ZCCHC17: variants seen among roughly 807,000 people sequenced by gnomAD.
ZCCHC17 encodes the protein zinc finger CCHC-type containing 17, also known as zinc finger CCHC domain-containing protein 17.
Under a neutral mutation model 30.6 loss-of-function variants are expected in ZCCHC17, and 18 were observed. The ratio of observed to expected loss-of-function variants is 0.59; its 90% CI spans 0.41 to 0.87. ZCCHC17 has a LOEUF of 0.87. ZCCHC17 is among the 40% of genes least tolerant of loss of function. ZCCHC17 has a pLI of 0.00. For synonymous variants in ZCCHC17, 88 were observed against 92.4 expected (o/e 0.95, Z 0.27); for missense variants, 263 against 284.2 (o/e 0.93, Z 0.54).
intron 3 of ZCCHC17, among the ~76,000 whole-genome samples, chr1:31,320,754 G>A (rs1362544653): frequency 1.3e-5 from 2 of 152,040 alleles, no homozygotes; most frequent in Non-Finnish European, 1.5e-5. Context: ...AAATATTTGT[G>A]TACAACTTTT....
intron 3 of ZCCHC17, among the ~76,000 whole-genome samples, chr1:31,330,862 C>T (rs957073564): frequency 6.6e-6 from 1 of 152,204 alleles, no homozygotes. Context: ...ACTGCATACA[C>T]GTCATCTGAC....
At chr1:31,350,744 C>T (rs1047533724) in intron 7 of ZCCHC17, among the ~76,000 whole-genome samples, 20 of 152,110 alleles carry the variant, frequency 1.3e-4, no homozygotes, top group East Asian at 3.9e-4. Context: ...GGACTACAGG[C>T]GCAAGCCACC....
chr1:31,301,663 T>C (rs1646315400), intron 1 of ZCCHC17, among the ~76,000 whole-genome samples: 1 of 152,220 alleles, frequency 6.6e-6, no homozygotes, highest in African/African-American at 2.4e-5. Context: ...CCAATGTTGC[T>C]AACTGTGAGC....
chr1:31,348,739 A>G (rs1639362808), intron 6 of ZCCHC17, 90 bp from the exon 7 acceptor site: 1 of 1,483,378 alleles, frequency 6.7e-7, no homozygotes. Flanking sequence ...TGAGCCAGCT[A>G]GCCCATTTCA....
chr1:31,327,653 G>A (rs1301762615), intron 3 of ZCCHC17, among the ~76,000 whole-genome samples: 3 of 152,146 alleles, frequency 2.0e-5, no homozygotes, highest in African/African-American at 4.8e-5. Flanking sequence ...AGCCTTCTCA[G>A]TGATCAGATC....
At chr1:31,321,144 AG>A in intron 3 of ZCCHC17, among the ~76,000 whole-genome samples, 1 of 152,230 alleles carries the variant, frequency 6.6e-6, no homozygotes, top group East Asian at 1.9e-4. Context: ...CTTGAATTGT[AG>A]TTCTCGTAAT....
Position 31,337,160 on chromosome 1 carries a change from T to A in ZCCHC17, c.125-15T>A. 6.2e-7 allele frequency: 1 copy of A among 1,610,770 alleles called. No homozygotes were observed. Among genetic ancestry groups the A allele is most frequent in the South Asian group, 1.1e-5 (1 of 90,892 alleles). ...ATGCCCTCTGCTTTACGTTATTTCT[T>A]CTTCTTGTGCCCAGGTCTGGTCCAT... is the stretch of plus-strand genomic sequence containing the variant. On this transcript the variant is annotated splice_polypyrimidine_tract_variant and intron_variant, in intron 3 of 7. Transcript: ENST00000344147.
chr1:31,320,978 G>A (rs1476658261), intron 3 of ZCCHC17, among the ~76,000 whole-genome samples: 1 of 152,128 alleles, frequency 6.6e-6, no homozygotes, highest in Admixed American at 6.6e-5. Context: ...CCATCCTAAT[G>A]GATGTGCACG....
At chr1:31,347,454 C>G (rs1639316364) in intron 6 of ZCCHC17, among the ~76,000 whole-genome samples, 1 of 151,946 alleles carries the variant, frequency 6.6e-6, no homozygotes, top group African/African-American at 2.4e-5. Flanking sequence ...GTTTTAAGCC[C>G]CTATTTATCA....
chr1:31,329,736 C>T lies in ZCCHC17; in HGVS notation c.125-7439C>T, dbSNP rs577011581. Among the ~76,000 whole-genome samples, 4 of 152,286 alleles carry T rather than the reference C, an allele frequency of 2.6e-5. No individual in the cohort carries two copies. In the East Asian group the frequency reaches 7.7e-4, roughly 29 times the overall value. ...TAGTGGGTGGGTGTTCAGTAAATCT[C>T]ACTGAATGAATGAATGAATTATAGC... On this transcript the variant is annotated intron_variant, in intron 3 of 7. Coordinates refer to ENST00000344147, the MANE Select transcript of ZCCHC17 (RefSeq NM_016505.4).
At chr1:31,297,432 A>G (rs1646191521) in intron 1 of ZCCHC17, among the ~76,000 whole-genome samples, 1 of 152,170 alleles carries the variant, frequency 6.6e-6, no homozygotes, top group Admixed American at 6.5e-5. Context: ...GCAGTTTTTG[A>G]TCAGGGCCTA....
At chr1:31,331,436 G>C (rs1176985636) in intron 3 of ZCCHC17, among the ~76,000 whole-genome samples, 2 of 151,148 alleles carry the variant, frequency 1.3e-5, no homozygotes, top group South Asian at 4.2e-4. Context: ...GTGAGCCAGC[G>C]TGCCCGTCCT....
intron 3 of ZCCHC17, among the ~76,000 whole-genome samples, chr1:31,321,151 G>C (rs779990030): frequency 1.3e-4 from 20 of 152,072 alleles, no homozygotes; most frequent in Admixed American, 3.9e-4. Context: ...TGTAGTTCTC[G>C]TAATCCCCAT....
intron 1 of ZCCHC17, among the ~76,000 whole-genome samples, chr1:31,308,993 A>G (rs1257167630): frequency 6.6e-6 from 1 of 152,250 alleles, no homozygotes; most frequent in East Asian, 1.9e-4. Context: ...AAAAAACTGT[A>G]AGAATATAGA....
At chr1:31,351,574 C>A (rs1639471507) in intron 7 of ZCCHC17, among the ~76,000 whole-genome samples, 1 of 151,886 alleles carries the variant, frequency 6.6e-6, no homozygotes, top group African/African-American at 2.4e-5. Flanking sequence ...GACCCTGTCT[C>A]TATAAAACAT....
At chr1:31,334,604 C>T (rs1638742494) in intron 3 of ZCCHC17, among the ~76,000 whole-genome samples, 2 of 152,026 alleles carry the variant, frequency 1.3e-5, no homozygotes. Context: ...GTTGGCATTT[C>T]AAGTCATTTC....
At chr1:31,360,918 C>T (rs1557463660) in intron 7 of ZCCHC17, among the ~76,000 whole-genome samples, 1 of 152,170 alleles carries the variant, frequency 6.6e-6, no homozygotes, top group African/African-American at 2.4e-5. Context: ...TAAACTAAAG[C>T]ACTGTTTAGG....
At chr1:31,363,052 C>G (rs138976610) in intron 7 of ZCCHC17, among the ~76,000 whole-genome samples, 29 of 152,044 alleles carry the variant, frequency 1.9e-4, no homozygotes, top group African/African-American at 5.1e-4. Context: ...TATATAAATA[C>G]ACATGTATAT....
chr1:31,313,068 C>CTTTTTTTTTTTTTTT (rs59004055), intron 2 of ZCCHC17, among the ~76,000 whole-genome samples: 1 of 113,486 alleles, frequency 8.8e-6, no homozygotes, highest in Non-Finnish European at 1.7e-5. Flanking sequence ...CACTGGGCCT[C>CTTTTTTTTTTTTTTT]TTTTTTTTTT....
Sources: allele counts gnomAD v4.1 joint callset (sites outside exome capture counted in the v4.1 genomes callset), GRCh38; gene constraint gnomAD v4.1.1; transcripts MANE v1.5; gene names NCBI Gene and HGNC (gene_info 2026-07-23, HGNC 2026-07-21).